FBXL2: variants seen among roughly 807,000 people sequenced by gnomAD.
FBXL2 encodes F-box/LRR-repeat protein 2.
FBXL2 carries 38 observed loss-of-function variants against 69.2 expected under a neutral mutation model. The observed-to-expected ratio is 0.55, with a 90% CI of 0.42 to 0.72. The LOEUF (loss-of-function observed/expected upper bound fraction) is 0.72, where lower values mean the gene tolerates loss of function less well. FBXL2 is among the 30% of genes least tolerant of loss of function. The probability of loss-of-function intolerance (pLI) is 0.00; values close to 1 mark genes in which losing one functional copy is unlikely to be tolerated. For synonymous variants in FBXL2, 192 were observed against 201.3 expected, an observed-to-expected ratio of 0.95 and a Z score of 0.39; for missense variants, 354 against 520.3, an observed-to-expected ratio of 0.68 and a Z score of 3.11.
chr3:33,370,543 TTA>T (rs1322143791), intron 5 of FBXL2, among the ~76,000 whole-genome samples: 1 of 152,238 alleles, frequency 6.6e-6, no homozygotes, highest in African/African-American at 2.4e-5. Flanking sequence ...GCTGTCACCC[TTA>T]TGTTTTATTC....
At chr3:33,302,634 TAATG>T (rs2036390044) in intron 2 of FBXL2, among the ~76,000 whole-genome samples, 1 of 152,156 alleles carries the variant, frequency 6.6e-6, no homozygotes, top group African/African-American at 2.4e-5. Context: ...TCATAAATAA[TAATG>T]AAAGAAAATT....
intron 1 of FBXL2, among the ~76,000 whole-genome samples, chr3:33,293,984 TC>T (rs1200307130): frequency 9.2e-5 from 14 of 152,238 alleles, no homozygotes; most frequent in Middle Eastern, 3.4e-3. Context: ...CAAAACAAGT[TC>T]CAATAAATGT....
intron 1 of FBXL2, among the ~76,000 whole-genome samples, chr3:33,285,493 T>G (rs938080587): frequency 2.6e-5 from 4 of 152,208 alleles, no homozygotes; most frequent in Non-Finnish European, 5.9e-5. Context: ...TCATTTCAAC[T>G]TTGGTGAATC....
At position 33,287,885 on chromosome 3, in the gene FBXL2, T is replaced by TA. The variant is rs545115037; in HGVS notation, c.4-9776dup. Among the ~76,000 whole-genome samples, 144 of 152,340 alleles carry TA rather than the reference T, an allele frequency of 9.5e-4. No homozygotes were observed. The Middle Eastern group carries it at 0.02, about 22-fold the overall frequency. On this transcript the variant is annotated intron_variant, in intron 1 of 14. Coordinates refer to ENST00000484457, the MANE Select transcript of FBXL2 (RefSeq NM_012157.5). ...TCTTAGCTGAGTCAGCAGTCTCTTT[T>TA]AAATTTTATGACAAGCTGTTGTCAT...
At chr3:33,289,954 C>A (rs577360503) in intron 1 of FBXL2, among the ~76,000 whole-genome samples, 2 of 152,250 alleles carry the variant, frequency 1.3e-5, no homozygotes, top group Admixed American at 1.3e-4. Context: ...TAGGCTTTTA[C>A]TGAGGACAAG....
intron 1 of FBXL2, among the ~76,000 whole-genome samples, chr3:33,294,171 A>T (rs1456299802): frequency 6.6e-6 from 1 of 152,142 alleles, no homozygotes; most frequent in Non-Finnish European, 1.5e-5. Context: ...GTCATAGCTC[A>T]CTGTGGGCTC....
intron 2 of FBXL2, among the ~76,000 whole-genome samples, chr3:33,341,222 A>G (rs2039994014): frequency 6.6e-6 from 1 of 152,212 alleles, no homozygotes; most frequent in African/African-American, 2.4e-5. Context: ...AGATCCAACT[A>G]CCAATTTGTA....
intron 4 of FBXL2, 98 bp from the exon 5 acceptor site, chr3:33,364,527 G>GA: frequency 1.8e-6 from 2 of 1,085,458 alleles, no homozygotes; most frequent in Non-Finnish European, 2.8e-6. Context: ...GTTACACTTG[G>GA]AAAAATATAT....
chr3:33,378,006 A>C, intron 11 of FBXL2, 97 bp from the exon 12 acceptor site: 2 of 1,165,038 alleles, frequency 1.7e-6, no homozygotes, highest in Non-Finnish European at 2.6e-6. Context: ...AGAAGAGAAC[A>C]AGGACACTGG....
chr3:33,390,515 C>T, downstream of FBXL2: 1 of 785,572 alleles, frequency 1.3e-6, no homozygotes, highest in East Asian at 2.7e-5. Context: ...GATTAACTTG[C>T]TCTAGCTCCT....
chr3:33,351,822 G>C (rs183049463), intron 2 of FBXL2, among the ~76,000 whole-genome samples: 1 of 152,090 alleles, frequency 6.6e-6, no homozygotes, highest in East Asian at 1.9e-4. Context: ...GTGGATGTTC[G>C]TAAAACCTGC....
chr3:33,411,959 G>A, the FBXL2 span, among the ~76,000 whole-genome samples: 2 of 152,082 alleles, frequency 1.3e-5, no homozygotes, highest in African/African-American at 2.4e-5. Context: ...GGCCAAGGCA[G>A]GTGGATAACC....
chr3:33,285,903 C>G (rs2034559722), intron 1 of FBXL2, among the ~76,000 whole-genome samples: 1 of 152,132 alleles, frequency 6.6e-6, no homozygotes, highest in African/African-American at 2.4e-5. Flanking sequence ...CATTTAAGGT[C>G]TTCTCTACAC....
chr3:33,395,705 T>G (rs2043952634), intron 12 of FBXL2, among the ~76,000 whole-genome samples: 2 of 133,396 alleles, frequency 1.5e-5, no homozygotes, highest in South Asian at 4.5e-4. Context: ...CTGTTGCACA[T>G]ATGTTATGCT....
At chr3:33,401,004 GGAA>G (rs765418384) in intron 12 of FBXL2, 5 of 1,592,228 alleles carry the variant, frequency 3.1e-6, no homozygotes, top group Admixed American at 3.6e-5. Flanking sequence ...GATGATTTGG[GGAA>G]GAAGAATTGC....
chr3:33,309,066 A>G (rs2036958351), intron 2 of FBXL2, among the ~76,000 whole-genome samples: 1 of 152,192 alleles, frequency 6.6e-6, no homozygotes, highest in Admixed American at 6.5e-5. Context: ...TGGGTGGAAT[A>G]TTCAAAATAT....
At chr3:33,404,673 A>T (rs2044368597), downstream of FBXL2, among the ~76,000 whole-genome samples, 1 of 152,088 alleles carries the variant, frequency 6.6e-6, no homozygotes, top group African/African-American at 2.4e-5. Flanking sequence ...AAAAGTACAT[A>T]ACTCTAATGA....
chr3:33,377,832 C>T (rs953056062), intron 11 of FBXL2, among the ~76,000 whole-genome samples: 11 of 152,184 alleles, frequency 7.2e-5, no homozygotes, highest in Admixed American at 1.3e-4. Flanking sequence ...CTGATGTCTG[C>T]GAGCCACTGG....
intron 13 of FBXL2, among the ~76,000 whole-genome samples, chr3:33,379,433 C>T (rs2042868640): frequency 6.6e-6 from 1 of 152,132 alleles, no homozygotes; most frequent in African/African-American, 2.4e-5. Flanking sequence ...CAGCTCACTG[C>T]AACCTCTGCC....
Sources: allele counts gnomAD v4.1 joint callset (sites outside exome capture counted in the v4.1 genomes callset), GRCh38; gene constraint gnomAD v4.1.1; transcripts MANE v1.5; gene names NCBI Gene and HGNC (gene_info 2026-07-23, HGNC 2026-07-21).